Variants in MZT2A observed in about 807,000 individuals in gnomAD.
The protein encoded by MZT2A is mitotic-spindle organizing protein 2A.
Under a neutral mutation model 12.4 loss-of-function variants are expected in MZT2A, and 8 were observed. That is an observed-to-expected ratio of 0.64 (90% CI 0.38 to 1.16). The LOEUF (loss-of-function observed/expected upper bound fraction) is 1.16, where lower values mean the gene tolerates loss of function less well. Ranked by LOEUF, MZT2A falls within the 50% of genes most tolerant of loss-of-function variation. The pLI is 0.01. For synonymous variants in MZT2A, 88 were observed against 107.5 expected, an observed-to-expected ratio of 0.82 and a Z score of 1.12; for missense variants, 181 against 223.6, an observed-to-expected ratio of 0.81 and a Z score of 1.22.
chr2:131,478,807 A>C (rs988012955), intron 2 of MZT2A: 1 of 219,862 alleles, frequency 4.5e-6, no homozygotes, highest in African/African-American at 2.3e-5. Flanking sequence ...TCAGATTCGC[A>C]GCCTGATGTA....
intron 2 of MZT2A, chr2:131,491,263 C>A (rs1250369373): frequency 1.1e-5 from 4 of 355,880 alleles, no homozygotes; most frequent in African/African-American, 8.4e-5. Context: ...GGAGGCCCTT[C>A]AGACCCCGCA....
chr2:131,484,407 C>T (rs1361670893), intron 2 of MZT2A, among the ~76,000 whole-genome samples, 189 bp from the exon 3 acceptor site: 2 of 152,252 alleles, frequency 1.3e-5, no homozygotes, highest in African/African-American at 4.8e-5. Flanking sequence ...CCCCAGAAGC[C>T]CTTGGCAGTG....
intron 2 of MZT2A, among the ~76,000 whole-genome samples, chr2:131,485,370 AG>A (rs1679014408): frequency 6.6e-6 from 1 of 152,178 alleles, no homozygotes; most frequent in Non-Finnish European, 1.5e-5. Context: ...GAACACTGAA[AG>A]ATCTGACGTG....
At chr2:131,472,696 G>C (rs1268979088) in intron 2 of MZT2A, among the ~76,000 whole-genome samples, 1 of 152,208 alleles carries the variant, frequency 6.6e-6, no homozygotes, top group South Asian at 2.1e-4. Context: ...TGTGGTCTAG[G>C]TGTGCAGTAG....
intron 2 of MZT2A, chr2:131,490,525 G>A: frequency 6.9e-7 from 1 of 1,459,778 alleles, no homozygotes; most frequent in Admixed American, 2.4e-5. Context: ...GTGGGGTCTA[G>A]AGACTGCCAC....
upstream of MZT2A, chr2:131,493,007 C>T: frequency 1.3e-6 from 2 of 1,502,716 alleles, no homozygotes; most frequent in South Asian, 2.4e-5. Context: ...GAGGTAACGG[C>T]CCAAAGAGGT....
chr2:131,475,627 G>T (rs1037171500), intron 2 of MZT2A, among the ~76,000 whole-genome samples: 1 of 152,142 alleles, frequency 6.6e-6, no homozygotes, highest in Non-Finnish European at 1.5e-5. Flanking sequence ...CATCGCGCCC[G>T]GCCCGTTTTC....
intron 2 of MZT2A, among the ~76,000 whole-genome samples, chr2:131,486,993 A>G (rs1679076164): frequency 6.6e-6 from 1 of 152,150 alleles, no homozygotes; most frequent in Non-Finnish European, 1.5e-5. Flanking sequence ...AGTGCCTTGC[A>G]GTGGGGAAAC....
chr2:131,476,246 G>C (rs570202778), intron 2 of MZT2A: 1 of 1,613,742 alleles, frequency 6.2e-7, no homozygotes, highest in Admixed American at 1.7e-5. Flanking sequence ...CCAGGCAGAC[G>C]AAGTTGGCCT....
At chr2:131,478,003 A>C (rs564504134) in intron 2 of MZT2A, among the ~76,000 whole-genome samples, 1 of 152,306 alleles carries the variant, frequency 6.6e-6, no homozygotes, top group Non-Finnish European at 1.5e-5. Flanking sequence ...TAGTTTTCAC[A>C]GCGATAAAGG....
intron 2 of MZT2A, chr2:131,490,498 C>G (rs1488209543): frequency 2.1e-6 from 3 of 1,420,400 alleles, no homozygotes; most frequent in Admixed American, 5.5e-5. Flanking sequence ...GTCCTGTCCC[C>G]GGATGCCAGC....
rs1414743606 is a variant in MZT2A, at chr2:131,492,360, ACGCCCTG to A, written c.10_16del (p.Gln4Ter). ...CGCCGCCGACCCCGGCCCAGGCCCT[ACGCCCTG>A]CGCCGCCATCCGCGAGGCCCGCCGA... On this transcript the variant is annotated frameshift_variant, in exon 1 of 3. Coordinates refer to ENST00000309451, the MANE Select transcript of MZT2A (RefSeq NM_001085365.2). LOFTEE classifies it high-confidence loss of function. 1 of 1,393,726 alleles carries A rather than the reference ACGCCCTG, an allele frequency of 7.2e-7. No homozygotes were observed. Among genetic ancestry groups the A allele is most frequent in the East Asian group, 3.0e-5 (1 of 33,098 alleles). 86.3% of individuals were successfully genotyped at this position (1,393,726 alleles called of 1,614,324 possible).
chr2:131,480,585 C>A, downstream of MZT2A: 1 of 1,611,738 alleles, frequency 6.2e-7, no homozygotes, highest in Non-Finnish European at 8.5e-7. Context: ...CTGCTTCGAG[C>A]CAGCCAATCA....
At chr2:131,491,184 G>C (rs1177424230) in intron 2 of MZT2A, 1 of 494,386 alleles carries the variant, frequency 2.0e-6, no homozygotes, top group Non-Finnish European at 3.7e-6. Context: ...GATGAGCAGG[G>C]ACGGAGGCTC....
downstream of MZT2A, among the ~76,000 whole-genome samples, chr2:131,479,866 G>A (rs958228661): frequency 2.2e-4 from 34 of 152,262 alleles, no homozygotes; most frequent in Non-Finnish European, 4.3e-4. Context: ...ACTTAGACCA[G>A]CATCTTGAGT....
Position 131,484,217 on chromosome 2 carries a change from C to T in MZT2A, c.321G>A (p.Gly107=). The change falls in exon 3 of 3, where the codon GGG becomes GGA. Residue 107 remains glycine, a splice_region_variant and synonymous_variant. Transcript: ENST00000309451. ...CGAGGGCAGCGCTGCCTTTGTCTCTCCCTAAGGAGACACAAAGCACAATGA... is the reference window on the plus strand; with the variant it reads ...CGAGGGCAGCGCTGCCTTTGTCTCTTCCTAAGGAGACACAAAGCACAATGA... ...LPTSSVPETR[G]RDKGSAALGG... 2 of 1,613,362 alleles carry T rather than the reference C, an allele frequency of 1.2e-6. No individual in the cohort carries two copies. The highest frequency in any genetic ancestry group is 1.7e-6 in the Non-Finnish European group (2 of 1,179,442).
intron 2 of MZT2A, among the ~76,000 whole-genome samples, chr2:131,485,987 T>G (rs976023446): frequency 1.3e-5 from 2 of 151,412 alleles, no homozygotes; most frequent in Non-Finnish European, 2.9e-5. Context: ...TTCCGGGGAG[T>G]TCTTCCTCAG....
downstream of MZT2A, among the ~76,000 whole-genome samples, chr2:131,483,741 A>C (rs1332295109): frequency 6.6e-6 from 1 of 151,970 alleles, no homozygotes; most frequent in Non-Finnish European, 1.5e-5. Context: ...AACAAACAAA[A>C]AACCTCCCAC....
intron 2 of MZT2A, among the ~76,000 whole-genome samples, chr2:131,477,742 G>A (rs1230103280): frequency 2.0e-5 from 3 of 151,508 alleles, no homozygotes; most frequent in Non-Finnish European, 4.4e-5. Context: ...CTGAGCACCT[G>A]GGCTTGGACC....
Sources: allele counts gnomAD v4.1 joint callset (sites outside exome capture counted in the v4.1 genomes callset), GRCh38; gene constraint gnomAD v4.1.1; transcripts MANE v1.5; gene names NCBI Gene and HGNC (gene_info 2026-07-23, HGNC 2026-07-21).